ZNF613: variants seen among roughly 807,000 people sequenced by gnomAD.
ZNF613 encodes zinc finger protein 613.
Under a neutral mutation model 14.3 loss-of-function variants are expected in ZNF613, and 8 were observed. The observed-to-expected ratio is 0.56, with a 90% confidence interval of 0.33 to 1.01. ZNF613 has a LOEUF of 1.01. Ranked by LOEUF, ZNF613 falls within the 50% of genes least tolerant of loss-of-function variation. ZNF613 has a pLI of 0.03. For synonymous variants in ZNF613, 228 were observed against 254.5 expected (o/e 0.90, Z 0.99); for missense variants, 656 against 741.9 (o/e 0.88, Z 1.35).
intron 3 of ZNF613, among the ~76,000 whole-genome samples, chr19:51,938,419 A>G (rs1436844253): frequency 2.0e-5 from 3 of 151,870 alleles, no homozygotes; most frequent in Non-Finnish European, 4.4e-5. Context: ...ATGTGCCACC[A>G]CATCCAGCTG....
chr19:51,933,204 G>A lies in ZNF613; in HGVS notation c.-193-2824G>A, dbSNP rs185265686. ...GCGTGTGGCTTTTATATATTCCTCA[G>A]TCTATACGAGTGCTTTTGAATGGTA... On this transcript the variant is annotated intron_variant, in intron 2 of 5. Transcript: ENST00000293471. Among the ~76,000 whole-genome samples the A allele has an allele frequency of 1.4e-3, 216 of 152,248 alleles. 1 individual carries two copies. Among genetic ancestry groups the A allele is most frequent in the African/African-American group, 5.1e-3 (212 of 41,534 alleles).
rs529473804 is a variant in ZNF613 at position 51,940,890 on chromosome 19, C to T, written c.235+181C>T. Among the ~76,000 whole-genome samples the T allele has an allele frequency of 3.9e-5, 6 of 152,236 alleles. No individual in the cohort carries two copies. In the South Asian group the frequency reaches 1.0e-3, roughly 26 times the overall value. On this transcript the variant is annotated intron_variant, in intron 5 of 5. Coordinates refer to ENST00000293471, the MANE Select transcript of ZNF613 (RefSeq NM_001031721.4). ...TAGAGGAACATCTGCTTCGTTATCG[C>T]GTCTTGGATTTCATCACTGTTTATT...
chr19:51,945,774 A>G lies in ZNF613; in HGVS notation c.*37A>G. 1 of 1,607,902 alleles carries G rather than the reference A, an allele frequency of 6.2e-7. No homozygotes were observed. The highest frequency in any genetic ancestry group is 1.1e-5 in the South Asian group (1 of 90,792). On this transcript the variant is annotated 3_prime_UTR_variant, in exon 6 of 6. Coordinates refer to ENST00000293471, the MANE Select transcript of ZNF613 (RefSeq NM_001031721.4). Reference sequence around the variant, plus strand: ...ATGCAGTGAATGTGGTAGTGCTTTCAGTGATCAATTACATCATATGTCACA... The same window carrying G: ...ATGCAGTGAATGTGGTAGTGCTTTCGGTGATCAATTACATCATATGTCACA...
Position 51,945,774 on chromosome 19 carries a change from A to C in ZNF613, c.*37A>C, listed in dbSNP as rs758234286. On this transcript the variant is annotated 3_prime_UTR_variant, in exon 6 of 6. Coordinates refer to ENST00000293471, the MANE Select transcript of ZNF613 (RefSeq NM_001031721.4). ...ATGCAGTGAATGTGGTAGTGCTTTC[A>C]GTGATCAATTACATCATATGTCACA... 8 of 1,607,784 alleles carry C rather than the reference A, an allele frequency of 5.0e-6. No individual in the cohort carries two copies. The Admixed American group carries it at 1.2e-4, about 23-fold the overall frequency.
rs79726751 is a variant in ZNF613, at chr19:51,944,516, G to C, written c.633G>C (p.Lys211Asn). Reference sequence around the variant, plus strand: ...CCCATGTATGCACTGAGTGTGGGAAGGCTTTCCTCAAGAAGTCTCGCCTCA... The same window carrying C: ...CCCATGTATGCACTGAGTGTGGGAACGCTTTCCTCAAGAAGTCTCGCCTCA... ...DKPHVCTECG[K>N]AFLKKSRLIY... Residue 211 changes from lysine (K) to asparagine (N), a missense_variant, in exon 6 of 6, where the codon AAG becomes AAC. Coordinates refer to ENST00000293471, the MANE Select transcript of ZNF613 (RefSeq NM_001031721.4). The C allele has an allele frequency of 1.4e-4, 221 of 1,612,506 alleles. 1 individual carries two copies. The South Asian group carries it at 2.3e-3, about 16-fold the overall frequency.
At chr19:51,942,294 A>G (rs1187281303) in intron 5 of ZNF613, among the ~76,000 whole-genome samples, 2 of 152,252 alleles carry the variant, frequency 1.3e-5, no homozygotes, top group African/African-American at 4.8e-5. Context: ...ATCAATAACA[A>G]CAACAAAATT....
chr19:51,928,966 G>GTGAATGTGT (rs2085242386), intron 1 of ZNF613, among the ~76,000 whole-genome samples: 1 of 152,150 alleles, frequency 6.6e-6, no homozygotes, highest in African/African-American at 2.4e-5. Flanking sequence ...GGTTTACTGT[G>GTGAATGTGT]TGAATGTGTG....
rs2085388210 is a variant in ZNF613 at position 51,945,213 on chromosome 19, A to G, written c.1330A>G (p.Ile444Val). 1.2e-6 allele frequency: 2 copies of G among 1,614,240 alleles called. No homozygotes were observed. Among genetic ancestry groups the G allele is most frequent in the Non-Finnish European group, 1.7e-6 (2 of 1,180,038 alleles). Residue 444 changes from isoleucine (I) to valine (V), a missense_variant, in exon 6 of 6, where the codon ATA (isoleucine) becomes GTA (valine). Physicochemically the swap from Ile to Val is conservative, Grantham distance 29. Coordinates refer to ENST00000293471, the MANE Select transcript of ZNF613 (RefSeq NM_001031721.4). ...AGGCTTCAGCCAGAAGACATGTTTA[A>G]TATCCCATCAGAGATTTCACACAGG... ...GKGFSQKTCL[I>V]SHQRFHTGKT...
Position 51,940,716 on chromosome 19 carries a change from T to C in ZNF613, c.235+7T>C. ...CACAGCCAAATCTGTCCAGGTGAGT[T>C]CAGGGTGAGAGCCAGCAAGGAGGGT... On this transcript the variant is annotated splice_region_variant and intron_variant, in intron 5 of 5. Coordinates refer to ENST00000293471, the MANE Select transcript of ZNF613 (RefSeq NM_001031721.4). 2 of 1,608,750 alleles carry C rather than the reference T, an allele frequency of 1.2e-6. No homozygotes were observed. The highest frequency in any genetic ancestry group is 8.5e-7 in the Non-Finnish European group (1 of 1,177,412).
At position 51,940,268 on chromosome 19, in the gene ZNF613, C is replaced by T. The variant is rs777305978; in HGVS notation, c.75C>T (p.Leu25=). 1.8e-5 allele frequency: 29 copies of T among 1,613,644 alleles called. No individual in the cohort carries two copies. Among genetic ancestry groups the T allele is most frequent in the South Asian group, 7.7e-5 (7 of 91,076 alleles). ...VEFTWEEWQL[L]GPAQKDLYRD... ...TCACTTGGGAGGAGTGGCAGCTCCTCGGCCCTGCTCAGAAGGACCTGTACC... is the reference window on the plus strand; with the variant it reads ...TCACTTGGGAGGAGTGGCAGCTCCTTGGCCCTGCTCAGAAGGACCTGTACC... Residue 25 remains leucine, a synonymous_variant, in exon 4 of 6, where the codon CTC becomes CTT. Transcript: ENST00000293471.
In ZNF613 at chr19:51,940,355, GTCAC is replaced by G. The variant is rs761418459; in HGVS notation, c.142+24_142+27del. On this transcript the variant is annotated intron_variant, in intron 4 of 5. Coordinates refer to ENST00000293471, the MANE Select transcript of ZNF613 (RefSeq NM_001031721.4). ...CAGTGGGTGAGGACAGCTGCCCTGT[GTCAC>G]TCAGAGAGTACCCAGTCAAAGGCCT... 2 of 1,612,912 alleles carry G rather than the reference GTCAC, an allele frequency of 1.2e-6. 1 individual carries two copies. Among genetic ancestry groups the G allele is most frequent in the South Asian group, 2.2e-5 (2 of 91,052 alleles).
At chr19:51,936,524 T>A (rs377120060) in intron 3 of ZNF613, among the ~76,000 whole-genome samples, 58 of 152,294 alleles carry the variant, frequency 3.8e-4, no homozygotes, top group African/African-American at 1.3e-3. Flanking sequence ...GGTCTCACTT[T>A]GTCACCCAGG....
intron 4 of ZNF613, 88 bp downstream of exon 4, chr19:51,940,423 G>C: frequency 1.2e-6 from 2 of 1,601,876 alleles, no homozygotes; most frequent in South Asian, 1.1e-5. Context: ...AGGGCCTGTG[G>C]TGCTCTGAAG....
chr19:51,940,394 C>T (rs2122820306), intron 4 of ZNF613, 59 bp downstream of exon 4: 1 of 1,612,242 alleles, frequency 6.2e-7, no homozygotes, highest in Non-Finnish European at 8.5e-7. Context: ...TTTGCTTTCT[C>T]AGCTTTCAAA....
intron 1 of ZNF613, among the ~76,000 whole-genome samples, chr19:51,929,443 G>A (rs1012303639): frequency 7.2e-5 from 11 of 152,096 alleles, no homozygotes; most frequent in African/African-American, 2.7e-4. Context: ...TAAATGGTGT[G>A]TTTTTAATTT....
Position 51,945,754 on chromosome 19 carries a change from G to T in ZNF613, c.*17G>T, listed in dbSNP as rs761588608. The T allele has an allele frequency of 1.9e-6, 3 of 1,612,608 alleles. No individual in the cohort carries two copies. The South Asian group carries it at 3.3e-5, about 18-fold the overall frequency. On this transcript the variant is annotated 3_prime_UTR_variant, in exon 6 of 6. Transcript: ENST00000293471. ...ACAGAATAAAAACCATATGAATGCA[G>T]TGAATGTGGTAGTGCTTTCAGTGAT...
Position 51,940,343 on chromosome 19 carries a change from C to G in ZNF613, c.142+8C>G, listed in dbSNP as rs915628894. On this transcript the variant is annotated splice_region_variant and intron_variant, in intron 4 of 5. Transcript: ENST00000293471. Reference sequence around the variant, plus strand: ...GCAACCTCGTGTCAGTGGGTGAGGACAGCTGCCCTGTGTCACTCAGAGAGT... The same window carrying G: ...GCAACCTCGTGTCAGTGGGTGAGGAGAGCTGCCCTGTGTCACTCAGAGAGT... 3.7e-6 allele frequency: 6 copies of G among 1,613,032 alleles called. No homozygotes were observed. The African/African-American group carries it at 8.0e-5, about 22-fold the overall frequency.
chr19:51,930,451 G>A (rs866099653), intron 2 of ZNF613, among the ~76,000 whole-genome samples: 2 of 151,952 alleles, frequency 1.3e-5, no homozygotes, highest in East Asian at 1.9e-4. Flanking sequence ...TGGTAGAGAC[G>A]GGGTTTTGCC....
chr19:51,945,636 TTAAC>T lies in ZNF613; in HGVS notation c.1758_1761del (p.Asn587ValfsTer9), dbSNP rs774076498. 120 of 1,614,174 alleles carry T rather than the reference TTAAC, an allele frequency of 7.4e-5. No homozygotes were observed. Among genetic ancestry groups the T allele is most frequent in the African/African-American group, 4.7e-4 (35 of 75,048 alleles). On this transcript the variant is annotated frameshift_variant, in exon 6 of 6. Transcript: ENST00000293471. LOFTEE classifies it low-confidence loss of function (END_TRUNC). ...GCCTTCTGTGGCAGCTCAGACCTCATTAACTAACAGTGCGTTCCAAGCAGAGAGC... is the reference window on the plus strand; with the variant it reads ...GCCTTCTGTGGCAGCTCAGACCTCATTAACAGTGCGTTCCAAGCAGAGAGC...
Sources: gnomAD v4.1 joint callset for allele counts (sites outside exome capture counted in the v4.1 genomes callset) on GRCh38, gnomAD v4.1.1 for gene constraint, MANE v1.5 for transcripts, NCBI Gene and HGNC (gene_info 2026-07-23, HGNC 2026-07-21) for gene names.